HOMER2: variants seen among roughly 807,000 people sequenced by gnomAD.
HOMER2 encodes the protein homer protein homolog 2.
HOMER2 carries 27 observed loss-of-function variants against 47.0 expected under a neutral mutation model. The ratio of observed to expected loss-of-function variants is 0.57; its 90% CI spans 0.42 to 0.79. HOMER2 has a LOEUF of 0.79. HOMER2 is among the 30% of genes least tolerant of loss of function. The probability of loss-of-function intolerance (pLI) is 0.00; values close to 1 mark genes in which losing one functional copy is unlikely to be tolerated. For synonymous variants in HOMER2, 161 were observed against 163.8 expected (o/e 0.98, Z 0.13); for missense variants, 443 against 435.0 (o/e 1.02, Z -0.16).
chr15:82,855,880 A>G (rs751714174), intron 5 of HOMER2, among the ~76,000 whole-genome samples: 23 of 152,088 alleles, frequency 1.5e-4, no homozygotes, highest in African/African-American at 4.6e-4. Context: ...CCCTCCTTCA[A>G]TTTCCTTGCT....
intron 1 of HOMER2, among the ~76,000 whole-genome samples, chr15:82,965,547 G>A (rs1567077787): frequency 6.6e-6 from 1 of 152,146 alleles, no homozygotes; most frequent in South Asian, 2.1e-4. Flanking sequence ...GTAGAGCATA[G>A]TGGTTAAGTG....
intron 1 of HOMER2, among the ~76,000 whole-genome samples, chr15:82,976,949 T>C (rs1454688604): frequency 1.3e-5 from 2 of 152,112 alleles, no homozygotes; most frequent in Non-Finnish European, 2.9e-5. Context: ...GTGCTGGGAT[T>C]ACAGGCGTGA....
chr15:82,850,260 G>A (rs1437217236), intron 8 of HOMER2, among the ~76,000 whole-genome samples: 1 of 152,254 alleles, frequency 6.6e-6, no homozygotes, highest in African/African-American at 2.4e-5. Context: ...GGCTAGCAGA[G>A]ACCACATTTC....
chr15:82,919,335 G>A lies in HOMER2; in HGVS notation c.6-26494C>T, dbSNP rs573174907. On this transcript the variant is annotated intron_variant, in intron 1 of 8. Coordinates refer to ENST00000450735, the MANE Select transcript of HOMER2 (RefSeq NM_004839.4). ...TCAGGGAAGTCACAACGGGTTGCTC[G>A]TCCATACAGGATCAAGGACAGGTTG... Among the ~76,000 whole-genome samples, 149 of 152,280 alleles carry A rather than the reference G, an allele frequency of 9.8e-4. 1 individual carries two copies. The highest frequency in any genetic ancestry group is 3.5e-3 in the African/African-American group (144 of 41,542).
intron 1 of HOMER2, among the ~76,000 whole-genome samples, chr15:82,946,782 T>G (rs1211608150): frequency 6.6e-6 from 1 of 152,214 alleles, no homozygotes; most frequent in Non-Finnish European, 1.5e-5. Flanking sequence ...ACTTATTTAG[T>G]GCCTACTCCA....
Position 82,952,631 on chromosome 15 carries a change from C to G in HOMER2, c.-96G>C, listed in dbSNP as rs1274511809. On this transcript the variant is annotated 5_prime_UTR_variant, in exon 1 of 9. Coordinates refer to ENST00000450735, the MANE Select transcript of HOMER2 (RefSeq NM_004839.4). ...TCCCCGCGCGGCACATGCGGCGGCC[C>G]GTGCGCGCCCGGCTCAGCCCCGGCG... 8.6e-5 allele frequency: 89 copies of G among 1,032,986 alleles called. 1 individual carries two copies. The South Asian group carries it at 3.6e-3, about 42-fold the overall frequency. The allele number at this position is 1,032,986 out of a possible 1,614,324, so 64.0% of individuals were successfully genotyped here.
At chr15:82,896,368 C>T (rs567884378) in intron 1 of HOMER2, among the ~76,000 whole-genome samples, 2 of 152,322 alleles carry the variant, frequency 1.3e-5, no homozygotes, top group South Asian at 2.1e-4. Context: ...GCTGTCTGCT[C>T]GGCATGATCC....
upstream of HOMER2, chr15:82,952,845 G>T (rs1161173346): frequency 1.4e-5 from 5 of 358,406 alleles, no homozygotes; most frequent in African/African-American, 8.9e-5. Context: ...CCAAGAGGCG[G>T]GGGGCGCAGC....
chr15:82,896,429 T>A (rs1426530550), intron 1 of HOMER2, among the ~76,000 whole-genome samples: 1 of 152,196 alleles, frequency 6.6e-6, no homozygotes, highest in Non-Finnish European at 1.5e-5. Context: ...ATCTGCCTGC[T>A]CAGCTCTGTG....
rs950485280 is a variant in HOMER2 at position 82,881,335 on chromosome 15, C to G, written c.163-5931G>C. On this transcript the variant is annotated intron_variant, in intron 2 of 8. Coordinates refer to ENST00000450735, the MANE Select transcript of HOMER2 (RefSeq NM_004839.4). The stretch of plus-strand genomic sequence containing the variant: ...CAGAGGAAGCTGCTCATGAAACAGG[C>G]AGGGGGAGACAGGCCCATCGGATTC... 5.5e-4 allele frequency among the ~76,000 whole-genome samples: 84 copies of G among 152,170 alleles called. 1 individual carries two copies. Among genetic ancestry groups the G allele is most frequent in the African/African-American group, 1.9e-3 (77 of 41,444 alleles).
chr15:82,915,900 G>A (rs763174573), intron 1 of HOMER2, among the ~76,000 whole-genome samples: 3 of 152,226 alleles, frequency 2.0e-5, no homozygotes, highest in East Asian at 1.9e-4. Context: ...TGATATATCC[G>A]TGCGAAAAGT....
At chr15:82,951,601 A>T (rs1382772507) in intron 1 of HOMER2, among the ~76,000 whole-genome samples, 1 of 152,254 alleles carries the variant, frequency 6.6e-6, no homozygotes, top group Non-Finnish European at 1.5e-5. Flanking sequence ...TGGGTTCAGC[A>T]GCAGGGAACA....
chr15:82,851,107 C>G, intron 8 of HOMER2, 44 bp downstream of exon 8: 1 of 1,241,076 alleles, frequency 8.1e-7, no homozygotes, highest in Non-Finnish European at 1.2e-6. Context: ...GACATTTGTG[C>G]CTTCTTGTCT....
At chr15:82,928,613 G>A (rs1277998346) in intron 1 of HOMER2, among the ~76,000 whole-genome samples, 3 of 152,100 alleles carry the variant, frequency 2.0e-5, no homozygotes, top group African/African-American at 4.8e-5. Context: ...TCATCAAGCT[G>A]CATTCGTTAT....
At chr15:82,889,568 C>T (rs986013368) in intron 2 of HOMER2, among the ~76,000 whole-genome samples, 13 of 152,330 alleles carry the variant, frequency 8.5e-5, no homozygotes, top group African/African-American at 3.1e-4. Context: ...GCACCTGATT[C>T]CAGTCTGCAG....
chr15:82,905,279 G>GGA (rs2053254652), intron 1 of HOMER2, among the ~76,000 whole-genome samples: 1 of 134,268 alleles, frequency 7.4e-6, no homozygotes, highest in Admixed American at 7.4e-5. Flanking sequence ...AGAAAAGACT[G>GGA]AAAAAAAAAA....
chr15:82,976,652 C>T (rs1449835501), intron 1 of HOMER2, among the ~76,000 whole-genome samples: 1 of 145,916 alleles, frequency 6.9e-6, no homozygotes, highest in Non-Finnish European at 1.5e-5. Context: ...ACAATTAGTA[C>T]GATTAGATCT....
chr15:82,874,982 G>A (rs926180178), intron 3 of HOMER2, among the ~76,000 whole-genome samples: 23 of 152,204 alleles, frequency 1.5e-4, no homozygotes, highest in Middle Eastern at 6.8e-3. Context: ...TGATACCACC[G>A]GGCACAGGGA....
intron 2 of HOMER2, among the ~76,000 whole-genome samples, chr15:82,878,669 C>T (rs1211303771): frequency 7.9e-5 from 12 of 152,134 alleles, no homozygotes; most frequent in Non-Finnish European, 1.8e-4. Flanking sequence ...GCTCTGTTGC[C>T]CAGGCTAGAG....
Sources: allele counts gnomAD v4.1 joint callset (sites outside exome capture counted in the v4.1 genomes callset), GRCh38; gene constraint gnomAD v4.1.1; transcripts MANE v1.5; gene names NCBI Gene and HGNC (gene_info 2026-07-23, HGNC 2026-07-21).